The following CCDC40 variants were observed in gnomAD, a reference collection of about 807,000 sequenced individuals.
CCDC40 encodes the protein coiled-coil domain-containing protein 40.
CCDC40 carries 104 observed loss-of-function variants against 124.5 expected under a neutral mutation model. That is an observed-to-expected ratio of 0.84 (90% confidence interval 0.71 to 0.98). CCDC40 has a LOEUF of 0.98. CCDC40 is among the 50% of genes least tolerant of loss of function. The pLI is 0.00. For synonymous variants in CCDC40, 580 were observed against 602.9 expected, an observed-to-expected ratio of 0.96 and a Z score of 0.56; for missense variants, 1,463 against 1,503.9, an observed-to-expected ratio of 0.97 and a Z score of 0.45.
At chr17:80,037,109 C>T (rs2037092567) in intron 1 of CCDC40, among the ~76,000 whole-genome samples, 1 of 152,294 alleles carries the variant, frequency 6.6e-6, no homozygotes, top group Non-Finnish European at 1.5e-5. Context: ...CGGGGCCACT[C>T]GCTGTGGCCG....
At chr17:80,088,509 C>T in intron 16 of CCDC40, 1 of 305,346 alleles carries the variant, frequency 3.3e-6, no homozygotes. Flanking sequence ...ACCTCAGCCT[C>T]CCAAAGCGCT....
At position 80,058,760 on chromosome 17, in the gene CCDC40, C is replaced by T. The variant is rs890190912; in HGVS notation, c.1318-98C>T. On this transcript the variant is annotated intron_variant, in intron 8 of 19. Transcript: ENST00000397545. This position sits in a 1 kb window ranked among gnomAD's most constrained non-coding sequence, Gnocchi z 4.2. ...GGCTTCCGGCCGGAGGGGTGGCGGCCGGCCTGGGTGGCGTCAACTTGTATC... is the reference window on the plus strand; with the variant it reads ...GGCTTCCGGCCGGAGGGGTGGCGGCTGGCCTGGGTGGCGTCAACTTGTATC... The T allele has an allele frequency of 3.9e-5, 62 of 1,606,740 alleles. No homozygotes were observed. The South Asian group carries it at 4.3e-4, about 11-fold the overall frequency.
At chr17:80,094,958 A>G (rs1261029590) in intron 17 of CCDC40, among the ~76,000 whole-genome samples, 1 of 152,100 alleles carries the variant, frequency 6.6e-6, no homozygotes, top group Non-Finnish European at 1.5e-5. Flanking sequence ...CAATTTTCTC[A>G]ATGAGATTTT....
chr17:80,047,547 T>A, intron 4 of CCDC40, 145 bp downstream of exon 4: 1 of 783,424 alleles, frequency 1.3e-6, no homozygotes. Flanking sequence ...TATTAACAGA[T>A]ATGGATAACA....
intron 10 of CCDC40, chr17:80,067,971 G>GCC: frequency 9.1e-7 from 1 of 1,104,430 alleles, no homozygotes; most frequent in Non-Finnish European, 1.1e-6. Context: ...GAGAGCCTCT[G>GCC]ACTTCACCTG....
In CCDC40 at chr17:80,086,353, T is replaced by C. The variant is rs1290954189; in HGVS notation, c.2449+137T>C. 2 of 717,236 alleles carry C rather than the reference T, an allele frequency of 2.8e-6. No individual in the cohort carries two copies. The highest frequency in any genetic ancestry group is 1.8e-5 in the African/African-American group (1 of 56,848). 44.4% of individuals were successfully genotyped at this position (717,236 alleles called of 1,614,324 possible). ...CTTAAAAGCAAATAACAAACGCGCA[T>C]GCTCCCTGTATTTTGTAAATGTGAA... is the stretch of plus-strand genomic sequence containing the variant. On this transcript the variant is annotated intron_variant, in intron 14 of 19. Coordinates refer to ENST00000397545, the MANE Select transcript of CCDC40 (RefSeq NM_017950.4). The surrounding 1 kb of genome is among the most constrained non-coding windows in gnomAD (Gnocchi z 5.5).
At position 80,055,849 on chromosome 17, in the gene CCDC40, G is replaced by C. The variant is rs943588941; in HGVS notation, c.1160-2645G>C. Among the ~76,000 whole-genome samples the C allele has an allele frequency of 2.7e-5, 4 of 150,302 alleles. No individual in the cohort carries two copies. In the Admixed American group the frequency reaches 2.7e-4, roughly 10 times the overall value. On this transcript the variant is annotated intron_variant, in intron 7 of 19. Transcript: ENST00000397545. ...TTTGTTTTCTTCGAGACAGCGAGAC[G>C]CATCTTGCTCTGTTTCCCAGGCTGG...
chr17:80,039,552 C>G (rs2037218750), intron 2 of CCDC40, among the ~76,000 whole-genome samples: 1 of 151,694 alleles, frequency 6.6e-6, no homozygotes, highest in African/African-American at 2.4e-5. Flanking sequence ...GCTGGGATTA[C>G]AGGTGTGCAC....
chr17:80,055,592 C>T (rs2037715117), intron 7 of CCDC40, among the ~76,000 whole-genome samples: 1 of 152,154 alleles, frequency 6.6e-6, no homozygotes, highest in Non-Finnish European at 1.5e-5. Context: ...AATGCCATTT[C>T]CCTCCAAATT....
At chr17:80,067,674 G>A (rs914400268) in intron 10 of CCDC40, 4 of 1,535,910 alleles carry the variant, frequency 2.6e-6, no homozygotes, top group African/African-American at 2.7e-5. Flanking sequence ...CCGGATCCGC[G>A]AATGCTAACG....
intron 1 of CCDC40, 112 bp downstream of exon 1, chr17:80,036,803 C>G (rs2037072915): frequency 9.9e-7 from 1 of 1,008,120 alleles, no homozygotes; most frequent in African/African-American, 1.7e-5. Context: ...CCTCCACTCC[C>G]CCTTCCTCTC....
intron 9 of CCDC40, among the ~76,000 whole-genome samples, chr17:80,060,499 A>T (rs184622990): frequency 5.1e-4 from 78 of 152,272 alleles, no homozygotes; most frequent in African/African-American, 1.8e-3. Context: ...GGTCAAAAAA[A>T]AAAAAAGAAC....
chr17:80,068,072 C>A (rs964741179), intron 10 of CCDC40: 1 of 817,644 alleles, frequency 1.2e-6, no homozygotes, highest in Non-Finnish European at 1.5e-6. Flanking sequence ...CTCGCTCTGT[C>A]CCCCAGGCTG....
intron 7 of CCDC40, among the ~76,000 whole-genome samples, chr17:80,057,843 T>G (rs1241889334): frequency 1.3e-5 from 2 of 150,170 alleles, no homozygotes; most frequent in African/African-American, 4.9e-5. Context: ...GCCACTGCAC[T>G]CCAGCCTGGG....
intron 7 of CCDC40, among the ~76,000 whole-genome samples, chr17:80,054,548 G>A (rs1223734874): frequency 6.6e-6 from 1 of 152,196 alleles, no homozygotes; most frequent in African/African-American, 2.4e-5. Context: ...AAACTGTAAA[G>A]CGGCCCCACA....
intron 17 of CCDC40, chr17:80,090,766 AAC>A: frequency 7.4e-7 from 1 of 1,358,928 alleles, no homozygotes; most frequent in East Asian, 3.0e-5. Context: ...CCTTAAGGAT[AAC>A]AGTAAGAGCA....
At chr17:80,092,173 A>G (rs2038734884) in intron 17 of CCDC40, 1 of 152,380 alleles carries the variant, frequency 6.6e-6, no homozygotes, top group African/African-American at 2.4e-5. Context: ...AGCTGGGATT[A>G]CAGGTGTGTG....
intron 17 of CCDC40, among the ~76,000 whole-genome samples, chr17:80,092,751 C>T (rs1246148916): frequency 2.6e-5 from 4 of 152,118 alleles, no homozygotes; most frequent in African/African-American, 7.2e-5. Context: ...GCTGGGATTA[C>T]GGGCACACAC....
chr17:80,067,233 C>T (rs2038068246), intron 10 of CCDC40: 2 of 396,182 alleles, frequency 5.0e-6, no homozygotes, highest in African/African-American at 4.1e-5. Context: ...TCTCTGCAAA[C>T]CGTCCTCATT....
Sources: allele counts gnomAD v4.1 joint callset (sites outside exome capture counted in the v4.1 genomes callset), GRCh38; gene constraint gnomAD v4.1.1; non-coding constraint Gnocchi (gnomAD v3.1); transcripts MANE v1.5; gene names NCBI Gene and HGNC (gene_info 2026-07-23, HGNC 2026-07-21).